The following LINGO2 variants were observed in gnomAD, a reference collection of about 807,000 sequenced individuals.
LINGO2 encodes the protein leucine-rich repeat and immunoglobulin-like domain-containing nogo receptor-interacting protein 2.
LINGO2 carries 14 observed loss-of-function variants against 30.6 expected under a neutral mutation model. The ratio of observed to expected loss-of-function variants is 0.46; its 90% CI spans 0.30 to 0.72. The LOEUF is 0.72. Among genes scored for constraint, LINGO2 ranks in the 30% least tolerant of loss-of-function variants. The probability of loss-of-function intolerance (pLI) is 0.07; values close to 1 mark genes in which losing one functional copy is unlikely to be tolerated. For synonymous variants in LINGO2, 317 were observed against 288.5 expected, an observed-to-expected ratio of 1.10 and a Z score of -1.00; for missense variants, 729 against 751.7, an observed-to-expected ratio of 0.97 and a Z score of 0.35.
At chr9:28,347,446 AC>A (rs1819633013) in intron 3 of LINGO2, among the ~76,000 whole-genome samples, 7 of 152,170 alleles carry the variant, frequency 4.6e-5, no homozygotes, top group African/African-American at 1.4e-4. Context: ...ACACACACAC[AC>A]ACAAAACCAA....
chr9:28,041,978 CTG>C (rs1311635085), intron 4 of LINGO2, among the ~76,000 whole-genome samples: 3 of 152,164 alleles, frequency 2.0e-5, no homozygotes, highest in Admixed American at 6.5e-5. Flanking sequence ...AAGCTTAGCT[CTG>C]TGACTTCCTA....
chr9:28,317,793 T>G (rs1029838928), intron 3 of LINGO2, among the ~76,000 whole-genome samples: 4 of 152,178 alleles, frequency 2.6e-5, no homozygotes, highest in African/African-American at 9.7e-5. Flanking sequence ...GTTACTAACT[T>G]TCAAAGGCTC....
chr9:28,976,124 A>G, the LINGO2 span, among the ~76,000 whole-genome samples: 1 of 152,182 alleles, frequency 6.6e-6, no homozygotes, highest in Non-Finnish European at 1.5e-5. Flanking sequence ...AAACGCTTTT[A>G]TCAGAGGATA....
the LINGO2 span, among the ~76,000 whole-genome samples, chr9:28,890,904 T>C: frequency 3.3e-5 from 5 of 152,086 alleles, no homozygotes; most frequent in African/African-American, 7.2e-5. Flanking sequence ...CTGACTAGTA[T>C]ATGAAATGTA....
chr9:28,690,418 C>T, the LINGO2 span, among the ~76,000 whole-genome samples: 3 of 152,026 alleles, frequency 2.0e-5, no homozygotes, highest in Non-Finnish European at 4.4e-5. Flanking sequence ...GCAATTTCTT[C>T]TGTAGTAAAA....
At chr9:28,284,249 C>G (rs78407229) in intron 4 of LINGO2, among the ~76,000 whole-genome samples, 6 of 152,120 alleles carry the variant, frequency 3.9e-5, no homozygotes, top group African/African-American at 1.2e-4. Flanking sequence ...CAGATGCCGA[C>G]TTTGCTGATG....
At chr9:28,468,148 C>G (rs1299420986) in intron 2 of LINGO2, among the ~76,000 whole-genome samples, 2 of 152,060 alleles carry the variant, frequency 1.3e-5, no homozygotes, top group Non-Finnish European at 2.9e-5. Context: ...AGAAACCAAG[C>G]AAATGCCCAA....
At chr9:28,527,763 A>G (rs117263530) in intron 1 of LINGO2, among the ~76,000 whole-genome samples, 1 of 152,244 alleles carries the variant, frequency 6.6e-6, no homozygotes, top group East Asian at 1.9e-4. Flanking sequence ...CTCTTAAATT[A>G]TGACCTCCTT....
intron 5 of LINGO2, among the ~76,000 whole-genome samples, chr9:27,991,770 C>T (rs1055365106): frequency 1.3e-5 from 2 of 152,030 alleles, no homozygotes; most frequent in South Asian, 2.1e-4. Context: ...GAGAAATATG[C>T]ATTATTTTAT....
At chr9:28,249,286 T>A (rs528402499) in intron 4 of LINGO2, among the ~76,000 whole-genome samples, 2 of 152,250 alleles carry the variant, frequency 1.3e-5, no homozygotes, top group East Asian at 3.9e-4. Context: ...AATGTTTATT[T>A]CTGCTGATGA....
downstream of LINGO2, chr9:27,943,183 T>C (rs973127686): frequency 6.6e-6 from 1 of 152,168 alleles, no homozygotes. Context: ...GAATAGGAGG[T>C]GTGCAACAAC....
chr9:28,168,181 G>A (rs1018235745), intron 4 of LINGO2, among the ~76,000 whole-genome samples: 8 of 152,046 alleles, frequency 5.3e-5, no homozygotes, highest in Non-Finnish European at 8.8e-5. Context: ...TTTGTGCCCT[G>A]ACTCCTGCTG....
At chr9:28,334,708 A>AATTG (rs1174975265) in intron 3 of LINGO2, among the ~76,000 whole-genome samples, 1 of 152,122 alleles carries the variant, frequency 6.6e-6, no homozygotes, top group Non-Finnish European at 1.5e-5. Context: ...AAAGGGAATG[A>AATTG]ATTGATGTGC....
chr9:28,769,487 TATATATATATATATATATATATATATATA>T, the LINGO2 span, among the ~76,000 whole-genome samples: 2 of 5,176 alleles, frequency 3.9e-4, no homozygotes, highest in Non-Finnish European at 6.8e-4. Context: ...TATATATATA[TATATATATATATATATATATATATATATA>T]TATTTTTTTT....
At chr9:29,106,922 G>GT in the LINGO2 span, among the ~76,000 whole-genome samples, 1 of 152,124 alleles carries the variant, frequency 6.6e-6, no homozygotes, top group African/African-American at 2.4e-5. Flanking sequence ...ATGATTTCAA[G>GT]TTACTATGCC....
chr9:28,642,587 C>A (rs1413982470), intron 1 of LINGO2, among the ~76,000 whole-genome samples: 1 of 152,046 alleles, frequency 6.6e-6, no homozygotes, highest in African/African-American at 2.4e-5. Flanking sequence ...TAAGTGATTT[C>A]TACTTTCTTA....
the LINGO2 span, among the ~76,000 whole-genome samples, chr9:28,975,640 G>A: frequency 6.6e-6 from 1 of 152,098 alleles, no homozygotes. Flanking sequence ...GAATTATAAT[G>A]GGTCTTAATA....
chr9:28,049,811 ACTT>A lies in LINGO2; in HGVS notation c.-86-37409_-86-37407del, dbSNP rs553077341. ...GTAGGAGACAATCAGATCATGGAGA[ACTT>A]CTTCATCAAGGCTAAAGCGGTTGGA... is the stretch of plus-strand genomic sequence containing the variant. On this transcript the variant is annotated intron_variant, in intron 4 of 5. Transcript: ENST00000379992. Among the ~76,000 whole-genome samples, 369 of 150,512 alleles carry A rather than the reference ACTT, an allele frequency of 2.5e-3. 15 individuals carry two copies. Among genetic ancestry groups the A allele is most frequent in the African/African-American group, 8.8e-3 (358 of 40,748 alleles).
intron 2 of LINGO2, among the ~76,000 whole-genome samples, chr9:28,406,401 C>G (rs577177380): frequency 1.6e-4 from 25 of 152,224 alleles, no homozygotes; most frequent in African/African-American, 6.0e-4. Context: ...CCACTGCACT[C>G]CAGCCTGGCA....
Sources: gnomAD v4.1 joint callset for allele counts (sites outside exome capture counted in the v4.1 genomes callset) on GRCh38, gnomAD v4.1.1 for gene constraint, MANE v1.5 for transcripts, NCBI Gene and HGNC (gene_info 2026-07-23, HGNC 2026-07-21) for gene names.